The following WDHD1 variants were observed in gnomAD, a reference collection of about 807,000 sequenced individuals.
The protein encoded by WDHD1 is WD repeat and HMG-box DNA-binding protein 1.
In WDHD1, 111 loss-of-function variants were observed where a neutral mutation model predicts 135.4. The ratio of observed to expected loss-of-function variants is 0.82; its 90% CI spans 0.70 to 0.96. The LOEUF (loss-of-function observed/expected upper bound fraction) is 0.96, where lower values mean the gene tolerates loss of function less well. Among genes scored for constraint, WDHD1 ranks in the 40% least tolerant of loss-of-function variants. The pLI, the probability that WDHD1 is intolerant of heterozygous loss-of-function variation, is 0.00. For missense variants in WDHD1, 1,351 were observed against 1,336.3 expected, an observed-to-expected ratio of 1.01 and a Z score of -0.17; for synonymous variants, 434 against 439.0, an observed-to-expected ratio of 0.99 and a Z score of 0.14.
intron 13 of WDHD1, 75 bp from the exon 14 acceptor site, chr14:54,987,462 G>C: frequency 8.0e-7 from 1 of 1,250,318 alleles, no homozygotes; most frequent in Non-Finnish European, 1.1e-6. Flanking sequence ...AAGCAATCAT[G>C]ATATTCAACA....
At chr14:54,972,553 CAAAAAAAAAAAAAAAAAA>C (rs71410642) in intron 16 of WDHD1, among the ~76,000 whole-genome samples, 43 of 25,480 alleles carry the variant, frequency 1.7e-3, no homozygotes, top group East Asian at 7.2e-3. Flanking sequence ...AAGACTGTCA[CAAAAAAAAAAAAAAAAAA>C]AAAAAAAAAA....
At chr14:55,009,466 CTT>C (rs1190792553) in intron 4 of WDHD1, among the ~76,000 whole-genome samples, 6 of 150,142 alleles carry the variant, frequency 4.0e-5, no homozygotes, top group African/African-American at 1.5e-4. Context: ...GAGTTTCACT[CTT>C]GTTGCCCAGG....
chr14:55,026,689 GTTGT>G lies in WDHD1; in HGVS notation c.77+18_77+21del, dbSNP rs775445552. The G allele has an allele frequency of 6.2e-6, 10 of 1,612,370 alleles. No individual in the cohort carries two copies. The highest frequency in any genetic ancestry group is 8.5e-6 in the Non-Finnish European group (10 of 1,178,506). ...ATGTTTTAACATTTGCACCTAAAAC[GTTGT>G]TTCTCAAAGAACCTTACCTCCCAGA... On this transcript the variant is annotated intron_variant, in intron 2 of 25. Transcript: ENST00000360586.
intron 16 of WDHD1, among the ~76,000 whole-genome samples, chr14:54,971,712 CAAAAA>C (rs1195129802): frequency 2.4e-5 from 1 of 42,278 alleles, no homozygotes; most frequent in African/African-American, 9.1e-5. Context: ...GACTCTGCCT[CAAAAA>C]AAAAAAAAAA....
At chr14:54,959,415 G>T (rs1317594885) in intron 21 of WDHD1, among the ~76,000 whole-genome samples, 2 of 141,902 alleles carry the variant, frequency 1.4e-5, no homozygotes, top group African/African-American at 2.6e-5. Context: ...GAGGGAGGGA[G>T]GGAGGGAAGA....
intron 15 of WDHD1, among the ~76,000 whole-genome samples, 193 bp downstream of exon 15, chr14:54,984,530 T>G (rs980391580): frequency 6.6e-6 from 1 of 152,064 alleles, no homozygotes; most frequent in African/African-American, 2.4e-5. Flanking sequence ...ATCTTATACA[T>G]AAAACAATGG....
At chr14:54,988,105 A>G (rs1171029950) in intron 13 of WDHD1, among the ~76,000 whole-genome samples, 1 of 152,148 alleles carries the variant, frequency 6.6e-6, no homozygotes, top group Non-Finnish European at 1.5e-5. Context: ...TTCCCATCAT[A>G]ATTTTTTTCT....
intron 24 of WDHD1, among the ~76,000 whole-genome samples, chr14:54,947,797 G>A (rs2140149180): frequency 6.6e-6 from 1 of 152,002 alleles, no homozygotes; most frequent in African/African-American, 2.4e-5. Context: ...TCACCATGTT[G>A]GCCAGGCTGG....
At chr14:55,018,853 A>G (rs1566745860) in intron 2 of WDHD1, among the ~76,000 whole-genome samples, 1 of 152,066 alleles carries the variant, frequency 6.6e-6, no homozygotes, top group Non-Finnish European at 1.5e-5. Context: ...GAGAAACCCC[A>G]TCTCTACTAA....
chr14:55,008,452 T>C lies in WDHD1; in HGVS notation c.454-86A>G, dbSNP rs941267975. ...TTCAATTAATTAAATCAAAAAGCCC[T>C]TTTATCAACTGGGTGAAATTTCCTG... On this transcript the variant is annotated intron_variant, in intron 5 of 25. Coordinates refer to ENST00000360586, the MANE Select transcript of WDHD1 (RefSeq NM_007086.4). The C allele has an allele frequency of 2.7e-5, 40 of 1,489,726 alleles. No individual in the cohort carries two copies. The African/African-American group carries it at 5.4e-4, about 20-fold the overall frequency. 92.3% of individuals were successfully genotyped at this position (1,489,726 alleles called of 1,614,324 possible).
At chr14:55,013,753 A>G (rs1249812102) in intron 2 of WDHD1, among the ~76,000 whole-genome samples, 157 bp from the exon 3 acceptor site, 2 of 152,142 alleles carry the variant, frequency 1.3e-5, no homozygotes, top group Non-Finnish European at 2.9e-5. Context: ...AAAAAATTAA[A>G]AAATTAGCCA....
intron 11 of WDHD1, among the ~76,000 whole-genome samples, chr14:54,995,285 T>G (rs1206146210): frequency 6.6e-6 from 1 of 152,164 alleles, no homozygotes; most frequent in Non-Finnish European, 1.5e-5. Flanking sequence ...CCGGCCTTAT[T>G]GATCTTGTCA....
At chr14:54,951,511 C>T (rs1339221852) in intron 24 of WDHD1, among the ~76,000 whole-genome samples, 4 of 152,028 alleles carry the variant, frequency 2.6e-5, no homozygotes, top group African/African-American at 4.8e-5. Flanking sequence ...AATTAATAGC[C>T]TACCAACCAA....
At chr14:54,946,936 A>T (rs1471246675) in intron 24 of WDHD1, among the ~76,000 whole-genome samples, 2 of 152,164 alleles carry the variant, frequency 1.3e-5, no homozygotes, top group Non-Finnish European at 1.5e-5. Flanking sequence ...CCAGCTACTC[A>T]GGAGGCTGAG....
At chr14:54,993,290 A>G (rs544584905) in intron 11 of WDHD1, among the ~76,000 whole-genome samples, 6 of 151,862 alleles carry the variant, frequency 4.0e-5, no homozygotes, top group Non-Finnish European at 7.4e-5. Context: ...GCTAATTTTT[A>G]AAGTTTTTTT....
At chr14:55,016,029 C>T (rs930889280) in intron 2 of WDHD1, among the ~76,000 whole-genome samples, 4 of 152,188 alleles carry the variant, frequency 2.6e-5, no homozygotes, top group African/African-American at 4.8e-5. Flanking sequence ...TCAGCAGATG[C>T]ACTGGAGGAG....
At chr14:54,944,124 G>C (rs572170402) in intron 25 of WDHD1, among the ~76,000 whole-genome samples, 2 of 151,464 alleles carry the variant, frequency 1.3e-5, no homozygotes, top group East Asian at 3.9e-4. Flanking sequence ...TATTATCTTT[G>C]TTGTTGTTAT....
Position 54,987,349 on chromosome 14 carries a change from C to A in WDHD1, c.1565G>T (p.Ser522Ile), listed in dbSNP as rs1281062040. 6.2e-7 allele frequency: 1 copy of A among 1,613,920 alleles called. No individual in the cohort carries two copies. Among genetic ancestry groups the A allele is most frequent in the South Asian group, 1.1e-5 (1 of 91,070 alleles). ...AGGCAAGTCTATTATCCACTCTTTG[C>A]TTGAATCCCAAGAACTAAAGTGCAG... is the stretch of plus-strand genomic sequence containing the variant. Reference protein sequence around the residue: ...HCLHFSSWDSSKEWIIDLPQN... With the variant: ...HCLHFSSWDSIKEWIIDLPQN... The change falls in exon 14 of 26, where the codon AGC becomes ATC. Residue 522 changes from serine to isoleucine, a missense_variant. Coordinates refer to ENST00000360586, the MANE Select transcript of WDHD1 (RefSeq NM_007086.4).
intron 18 of WDHD1, among the ~76,000 whole-genome samples, chr14:54,963,401 T>C (rs182643207): frequency 2.6e-5 from 4 of 152,248 alleles, no homozygotes; most frequent in Admixed American, 6.5e-5. Flanking sequence ...ATGGCTTAAA[T>C]GAATAAAGTA....
Sources: allele counts gnomAD v4.1 joint callset (sites outside exome capture counted in the v4.1 genomes callset), GRCh38; gene constraint gnomAD v4.1.1; transcripts MANE v1.5; gene names NCBI Gene and HGNC (gene_info 2026-07-23, HGNC 2026-07-21).